The following PCCA variants were observed in gnomAD, a reference collection of about 807,000 sequenced individuals.
The protein encoded by PCCA is propionyl-CoA carboxylase subunit alpha.
Under a neutral mutation model 101.3 loss-of-function variants are expected in PCCA, and 74 were observed. That is an observed-to-expected ratio of 0.73 (90% CI 0.61 to 0.89). The LOEUF is 0.89. PCCA is among the 40% of genes least tolerant of loss of function. The probability of loss-of-function intolerance (pLI) is 0.00; values close to 1 mark genes in which losing one functional copy is unlikely to be tolerated. For missense variants in PCCA, 891 were observed against 907.0 expected, an observed-to-expected ratio of 0.98 and a Z score of 0.23; for synonymous variants, 294 against 313.6, an observed-to-expected ratio of 0.94 and a Z score of 0.66.
At position 100,530,191 on chromosome 13, in the gene PCCA, A is replaced by AC; in HGVS notation, c.*28dup. 6.3e-7 allele frequency: 1 copy of AC among 1,580,650 alleles called. No individual in the cohort carries two copies. The highest frequency in any genetic ancestry group is 8.7e-7 in the Non-Finnish European group (1 of 1,149,776). On this transcript the variant is annotated 3_prime_UTR_variant, in exon 24 of 24. Transcript: ENST00000376285. ...AAGGATTTATAACCTTTCAGTCATC[A>AC]CCCAATTTAATTAGCCATTTGCATG...
At chr13:100,104,251 A>G (rs961619620) in intron 2 of PCCA, among the ~76,000 whole-genome samples, 1 of 152,142 alleles carries the variant, frequency 6.6e-6, no homozygotes, top group African/African-American at 2.4e-5. Flanking sequence ...GATTCTTTTG[A>G]ATCTGGAGGC....
chr13:100,135,663 T>TC (rs1439885659), intron 4 of PCCA, among the ~76,000 whole-genome samples: 1 of 152,180 alleles, frequency 6.6e-6, no homozygotes, highest in African/African-American at 2.4e-5. Context: ...TTTATTTTTT[T>TC]CTGTTGCTCT....
At chr13:100,261,566 A>AT (rs2062520310) in intron 9 of PCCA, among the ~76,000 whole-genome samples, 1 of 152,046 alleles carries the variant, frequency 6.6e-6, no homozygotes, top group Non-Finnish European at 1.5e-5. Context: ...GGATTTCATC[A>AT]TGTTGGCCAG....
chr13:100,254,598 C>G (rs2061959778), intron 8 of PCCA, among the ~76,000 whole-genome samples: 1 of 152,136 alleles, frequency 6.6e-6, no homozygotes, highest in African/African-American at 2.4e-5. Flanking sequence ...GGATGAGGGA[C>G]TGAACTGTTG....
chr13:100,178,834 T>TCAAA (rs2056488850), intron 6 of PCCA, among the ~76,000 whole-genome samples: 3 of 151,954 alleles, frequency 2.0e-5, no homozygotes, highest in Admixed American at 1.3e-4. Flanking sequence ...TCCCAGCACT[T>TCAAA]TGGGAGGCTG....
chr13:100,319,957 A>G (rs1331642649), intron 16 of PCCA, among the ~76,000 whole-genome samples: 3 of 152,204 alleles, frequency 2.0e-5, no homozygotes, highest in African/African-American at 7.2e-5. Flanking sequence ...CTTCCTATCC[A>G]TGAGCATGGA....
At chr13:100,240,369 GT>G (rs35401040) in intron 8 of PCCA, among the ~76,000 whole-genome samples, 8,392 of 141,162 alleles carry the variant, frequency 0.059, 722 homozygotes, top group African/African-American at 0.19. Context: ...CTTAGGATAA[GT>G]TTTTTTTTTT....
chr13:100,249,776 G>C (rs994364952), intron 8 of PCCA, among the ~76,000 whole-genome samples: 1 of 152,104 alleles, frequency 6.6e-6, no homozygotes, highest in African/African-American at 2.4e-5. Flanking sequence ...TTTCCTCATA[G>C]ATACACTGTA....
At chr13:100,522,195 G>A (rs557138884) in intron 22 of PCCA, among the ~76,000 whole-genome samples, 3 of 152,264 alleles carry the variant, frequency 2.0e-5, no homozygotes, top group Non-Finnish European at 4.4e-5. Context: ...TCCTTGCAGC[G>A]GGCCCAATTT....
At chr13:100,383,039 G>A (rs568737812) in intron 19 of PCCA, among the ~76,000 whole-genome samples, 42 of 152,090 alleles carry the variant, frequency 2.8e-4, no homozygotes, top group Admixed American at 1.3e-3. Context: ...GCCAGAACTT[G>A]CCTCAAAATT....
chr13:100,335,929 G>A (rs2070375807), intron 17 of PCCA, among the ~76,000 whole-genome samples: 1 of 152,164 alleles, frequency 6.6e-6, no homozygotes, highest in African/African-American at 2.4e-5. Flanking sequence ...AAGAGAGAAC[G>A]GGCCTGGATT....
intron 21 of PCCA, among the ~76,000 whole-genome samples, chr13:100,469,866 C>T (rs1001696229): frequency 6.6e-6 from 1 of 152,084 alleles, no homozygotes; most frequent in Non-Finnish European, 1.5e-5. Context: ...CAAGATTTTG[C>T]CTAAAGAAAG....
At chr13:100,094,658 G>A (rs545340903) in intron 1 of PCCA, among the ~76,000 whole-genome samples, 12 of 152,120 alleles carry the variant, frequency 7.9e-5, no homozygotes, top group Admixed American at 3.3e-4. Context: ...TGTGATCTCC[G>A]CTCACGGCAA....
chr13:100,526,807 G>A (rs932831337), intron 22 of PCCA, among the ~76,000 whole-genome samples: 1 of 152,282 alleles, frequency 6.6e-6, no homozygotes, highest in African/African-American at 2.4e-5. Flanking sequence ...GAAGCCTCAC[G>A]CTTAACGCCA....
chr13:100,470,540 G>A (rs1180524641), intron 21 of PCCA, among the ~76,000 whole-genome samples: 1 of 152,176 alleles, frequency 6.6e-6, no homozygotes, highest in South Asian at 2.1e-4. Flanking sequence ...GGCAGCAGTC[G>A]ACCAAGCCCA....
intron 21 of PCCA, among the ~76,000 whole-genome samples, chr13:100,505,477 C>CAA (rs2085995584): frequency 1.3e-5 from 2 of 152,198 alleles, no homozygotes; most frequent in African/African-American, 4.8e-5. Flanking sequence ...AGAATGTAAT[C>CAA]TATTTGCTCT....
At chr13:100,515,100 G>A (rs550653270) in intron 21 of PCCA, among the ~76,000 whole-genome samples, 3 of 152,324 alleles carry the variant, frequency 2.0e-5, no homozygotes, top group Admixed American at 6.5e-5. Flanking sequence ...ATAGGGATAA[G>A]TTTGTAGGTG....
intron 21 of PCCA, among the ~76,000 whole-genome samples, chr13:100,485,979 A>G (rs189036412): frequency 6.6e-6 from 1 of 152,198 alleles, no homozygotes; most frequent in Non-Finnish European, 1.5e-5. Flanking sequence ...CCGTTAGTCT[A>G]CCTGAGCTCC....
chr13:100,263,092 A>G (rs766562838), intron 10 of PCCA, among the ~76,000 whole-genome samples: 13 of 152,130 alleles, frequency 8.5e-5, no homozygotes, highest in Non-Finnish European at 1.5e-4. Flanking sequence ...TAAAAAAGAA[A>G]AGTGCCTGAC....
Sources: gnomAD v4.1 joint callset for allele counts (sites outside exome capture counted in the v4.1 genomes callset) on GRCh38, gnomAD v4.1.1 for gene constraint, MANE v1.5 for transcripts, NCBI Gene and HGNC (gene_info 2026-07-23, HGNC 2026-07-21) for gene names.